LHPP: variants seen among roughly 807,000 people sequenced by gnomAD.
LHPP encodes phospholysine phosphohistidine inorganic pyrophosphate phosphatase.
Under a neutral mutation model 30.3 loss-of-function variants are expected in LHPP, and 24 were observed. That is an observed-to-expected ratio of 0.79 (90% CI 0.57 to 1.11). The LOEUF (loss-of-function observed/expected upper bound fraction) is 1.11, where lower values mean the gene tolerates loss of function less well. LHPP is among the 50% of genes most tolerant of loss of function. The pLI, the probability that LHPP is intolerant of heterozygous loss-of-function variation, is 0.00. For synonymous variants in LHPP, 150 were observed against 157.1 expected, an observed-to-expected ratio of 0.95 and a Z score of 0.34; for missense variants, 356 against 367.2, an observed-to-expected ratio of 0.97 and a Z score of 0.25.
intron 6 of LHPP, among the ~76,000 whole-genome samples, chr10:124,594,204 C>T (rs1438402233): frequency 1.3e-5 from 2 of 151,802 alleles, no homozygotes; most frequent in South Asian, 4.2e-4. Context: ...ATGGTGCATG[C>T]CTATAATCCC....
intron 5 of LHPP, among the ~76,000 whole-genome samples, chr10:124,514,961 C>G (rs1215723772): frequency 6.6e-6 from 1 of 152,048 alleles, no homozygotes; most frequent in African/African-American, 2.4e-5. Flanking sequence ...GCCACCACAT[C>G]TGGCTAATTT....
chr10:124,475,515 T>C (rs1952917309), intron 1 of LHPP, among the ~76,000 whole-genome samples: 1 of 151,966 alleles, frequency 6.6e-6, no homozygotes. Flanking sequence ...CACTCCAGCC[T>C]GGGTGACTGA....
intron 6 of LHPP, among the ~76,000 whole-genome samples, chr10:124,544,346 G>T (rs1955279339): frequency 6.6e-6 from 1 of 152,222 alleles, no homozygotes; most frequent in Non-Finnish European, 1.5e-5. Flanking sequence ...ATATTCCTTG[G>T]CTGTGGGTGA....
At chr10:124,535,121 C>A (rs1954991714) in intron 6 of LHPP, among the ~76,000 whole-genome samples, 1 of 152,216 alleles carries the variant, frequency 6.6e-6, no homozygotes, top group African/African-American at 2.4e-5. Flanking sequence ...ATGTCTTCTT[C>A]CTAAGGTTGT....
intron 6 of LHPP, among the ~76,000 whole-genome samples, chr10:124,558,440 C>A (rs113955340): frequency 0.016 from 2,448 of 152,376 alleles, 68 homozygotes; most frequent in African/African-American, 0.056. Flanking sequence ...CGGCAAGGGG[C>A]TCTGAGTCTG....
chr10:124,520,610 G>T (rs2133915757), intron 6 of LHPP, among the ~76,000 whole-genome samples: 1 of 152,350 alleles, frequency 6.6e-6, no homozygotes, highest in East Asian at 1.9e-4. Context: ...TTGTTAACAT[G>T]CAGGACAAAG....
In LHPP at chr10:124,613,349, G is replaced by C. The variant is rs369550052; in HGVS notation, c.802G>C (p.Ala268Pro). Residue 268 changes from alanine (A) to proline (P), a missense_variant, in exon 7 of 7, where the codon GCC (alanine) becomes CCC (proline). Ala to Pro is a conservative substitution (Grantham distance 27). Transcript: ENST00000368842. The stretch of plus-strand genomic sequence containing the variant: ...GGCAGTGGACCTGCTGCTGCAGCAC[G>C]CCGACAAGTGATGGCCTCCTGGGAG... ...AEAVDLLLQH[A>P]DK 1 of 1,611,722 alleles carries C rather than the reference G, an allele frequency of 6.2e-7. No individual in the cohort carries two copies. Among genetic ancestry groups the C allele is most frequent in the South Asian group, 1.1e-5 (1 of 91,068 alleles).
intron 6 of LHPP, among the ~76,000 whole-genome samples, chr10:124,539,272 G>A (rs934150297): frequency 2.0e-5 from 3 of 152,132 alleles, no homozygotes; most frequent in East Asian, 1.9e-4. Flanking sequence ...GGAGCCACTC[G>A]AGCACCCAAG....
intron 6 of LHPP, among the ~76,000 whole-genome samples, chr10:124,543,520 C>T (rs1869659): frequency 0.99 from 151,116 of 152,308 alleles, 74,977 homozygotes; most frequent in East Asian, 1. Flanking sequence ...AGGGAGTCTT[C>T]TCTGGGCTCA....
At chr10:124,556,531 A>G (rs1948303234) in intron 6 of LHPP, among the ~76,000 whole-genome samples, 1 of 152,202 alleles carries the variant, frequency 6.6e-6, no homozygotes, top group African/African-American at 2.4e-5. Context: ...TTGCTTTAAG[A>G]TAACTTCTCA....
At chr10:124,469,280 C>T (rs34928901) in intron 1 of LHPP, among the ~76,000 whole-genome samples, 30,752 of 152,032 alleles carry the variant, frequency 0.2, 3,941 homozygotes, top group Non-Finnish European at 0.28. Context: ...CAGCATCGTC[C>T]GTTCTCTGAG....
chr10:124,501,885 G>A (rs1023034895), intron 5 of LHPP, among the ~76,000 whole-genome samples: 6 of 151,770 alleles, frequency 4.0e-5, no homozygotes, highest in South Asian at 4.1e-4. Context: ...AAGAAGCTCC[G>A]TGACTTGTGT....
intron 6 of LHPP, among the ~76,000 whole-genome samples, chr10:124,520,785 A>C (rs1954591375): frequency 6.6e-6 from 1 of 152,228 alleles, no homozygotes; most frequent in Admixed American, 6.5e-5. Flanking sequence ...CAGACACAGT[A>C]GCGGCGAGCC....
At chr10:124,502,219 C>T (rs1487999564) in intron 5 of LHPP, among the ~76,000 whole-genome samples, 1 of 151,938 alleles carries the variant, frequency 6.6e-6, no homozygotes, top group Non-Finnish European at 1.5e-5. Context: ...ATTCAGACAC[C>T]ACCAGTCATC....
chr10:124,572,978 C>T (rs2133982716), intron 6 of LHPP, among the ~76,000 whole-genome samples: 1 of 152,340 alleles, frequency 6.6e-6, no homozygotes, highest in Admixed American at 6.5e-5. Flanking sequence ...GGGCATGTAT[C>T]AGTGTGCATG....
chr10:124,609,391 T>TACAGGCA (rs1191774341), intron 6 of LHPP, among the ~76,000 whole-genome samples: 4 of 152,150 alleles, frequency 2.6e-5, no homozygotes, highest in Admixed American at 1.3e-4. Context: ...TACAGGCGCC[T>TACAGGCA]GCCACTACAC....
chr10:124,548,192 G>T (rs1309007337), intron 6 of LHPP, among the ~76,000 whole-genome samples: 1 of 119,720 alleles, frequency 8.4e-6, no homozygotes. Flanking sequence ...TTCCCTTGGG[G>T]CCCGGCCACT....
chr10:124,537,926 C>T (rs567393633), intron 6 of LHPP, among the ~76,000 whole-genome samples: 2 of 152,364 alleles, frequency 1.3e-5, no homozygotes, highest in South Asian at 4.1e-4. Flanking sequence ...AGGACACGGC[C>T]AAGGGGCCAT....
rs1949151542 is a variant in LHPP at position 124,610,168 on chromosome 10, G to A, written c.717-3096G>A. The stretch of plus-strand genomic sequence containing the variant: ...AGTCCCTATTTCAGCACTGACGCAG[G>A]ATCACGCATGTCTTCAATGCCCCTC... On this transcript the variant is annotated intron_variant, in intron 6 of 6. Coordinates refer to ENST00000368842, the MANE Select transcript of LHPP (RefSeq NM_022126.4). Among the ~76,000 whole-genome samples, 3 of 152,310 alleles carry A rather than the reference G, an allele frequency of 2.0e-5. No individual in the cohort carries two copies. In the South Asian group the frequency reaches 6.2e-4, roughly 32 times the overall value.
Sources: allele counts gnomAD v4.1 joint callset (sites outside exome capture counted in the v4.1 genomes callset), GRCh38; gene constraint gnomAD v4.1.1; transcripts MANE v1.5; gene names NCBI Gene and HGNC (gene_info 2026-07-23, HGNC 2026-07-21).